The following STXBP5L variants were observed in gnomAD, a reference collection of about 807,000 sequenced individuals.
STXBP5L encodes the protein syntaxin-binding protein 5-like.
In STXBP5L, 65 loss-of-function variants were observed where a neutral mutation model predicts 144.5. The observed-to-expected ratio is 0.45, with a 90% CI of 0.37 to 0.55. The LOEUF (loss-of-function observed/expected upper bound fraction) is 0.55. STXBP5L is among the 20% of genes least tolerant of loss of function. STXBP5L has a pLI of 0.00. For synonymous variants in STXBP5L, 505 were observed against 469.6 expected, an observed-to-expected ratio of 1.08 and a Z score of -0.97; for missense variants, 1,298 against 1,405.5, an observed-to-expected ratio of 0.92 and a Z score of 1.22.
chr3:121,084,694 A>G (rs2042406305), intron 5 of STXBP5L, among the ~76,000 whole-genome samples: 1 of 152,184 alleles, frequency 6.6e-6, no homozygotes, highest in Non-Finnish European at 1.5e-5. Context: ...TTATAATAAA[A>G]TGATTTACAT....
intron 3 of STXBP5L, among the ~76,000 whole-genome samples, chr3:121,016,769 A>G (rs2108177934): frequency 6.6e-6 from 1 of 152,346 alleles, no homozygotes; most frequent in Non-Finnish European, 1.5e-5. Context: ...GCCTGTATCT[A>G]TTGAAGAAAT....
At chr3:121,052,471 A>G (rs1373112147) in intron 5 of STXBP5L, among the ~76,000 whole-genome samples, 1 of 152,232 alleles carries the variant, frequency 6.6e-6, no homozygotes. Flanking sequence ...AATCCAGCAT[A>G]TAAACAGAAC....
chr3:121,147,626 A>G (rs927662888), intron 7 of STXBP5L, among the ~76,000 whole-genome samples: 4 of 152,196 alleles, frequency 2.6e-5, no homozygotes, highest in Non-Finnish European at 5.9e-5. Flanking sequence ...GGTTAATTTT[A>G]TGTGTCAACT....
chr3:121,223,438 T>C (rs1259710432), intron 11 of STXBP5L, among the ~76,000 whole-genome samples: 1 of 152,056 alleles, frequency 6.6e-6, no homozygotes, highest in East Asian at 1.9e-4. Flanking sequence ...GGGTCCAGGG[T>C]GAAATCACTT....
At chr3:121,196,166 C>CT (rs1314610009) in intron 9 of STXBP5L, among the ~76,000 whole-genome samples, 157 of 140,260 alleles carry the variant, frequency 1.1e-3, no homozygotes, top group Middle Eastern at 7.6e-3. Flanking sequence ...AATATCAATT[C>CT]TTTTTTTTTT....
intron 22 of STXBP5L, among the ~76,000 whole-genome samples, chr3:121,399,297 G>T (rs1459145581): frequency 6.6e-6 from 1 of 152,164 alleles, no homozygotes; most frequent in East Asian, 1.9e-4. Flanking sequence ...CCTCCAGCTA[G>T]TTCCATGTTC....
intron 10 of STXBP5L, among the ~76,000 whole-genome samples, chr3:121,206,656 A>C (rs910911951): frequency 1.3e-5 from 2 of 152,066 alleles, no homozygotes; most frequent in Non-Finnish European, 2.9e-5. Flanking sequence ...CTAGAAATAC[A>C]CAAAAAAATT....
chr3:121,061,515 C>A (rs1228611736), intron 5 of STXBP5L, among the ~76,000 whole-genome samples: 2 of 152,240 alleles, frequency 1.3e-5, no homozygotes, highest in South Asian at 2.1e-4. Flanking sequence ...GATATCAAGT[C>A]CTGAACATCC....
intron 2 of STXBP5L, among the ~76,000 whole-genome samples, chr3:120,948,982 A>G (rs371556409): frequency 6.6e-6 from 1 of 151,830 alleles, no homozygotes; most frequent in Non-Finnish European, 1.5e-5. Flanking sequence ...AGGAATATCT[A>G]TACTGTTTTC....
intron 2 of STXBP5L, among the ~76,000 whole-genome samples, chr3:120,945,777 A>G (rs1474976815): frequency 6.6e-6 from 1 of 151,800 alleles, no homozygotes; most frequent in Non-Finnish European, 1.5e-5. Context: ...TGGAAACGCT[A>G]TTACTGGGCA....
At chr3:121,326,200 G>T (rs2108547679) in intron 20 of STXBP5L, among the ~76,000 whole-genome samples, 1 of 152,064 alleles carries the variant, frequency 6.6e-6, no homozygotes, top group Non-Finnish European at 1.5e-5. Flanking sequence ...ATTAAACATT[G>T]TCATGCTGGA....
chr3:120,947,698 T>A (rs150791960), intron 2 of STXBP5L, among the ~76,000 whole-genome samples: 3 of 151,876 alleles, frequency 2.0e-5, no homozygotes, highest in Non-Finnish European at 4.4e-5. Flanking sequence ...ATACACTTCA[T>A]GTAAATGGAA....
Position 121,059,869 on chromosome 3 carries a change from G to T in STXBP5L, c.470+14334G>T, listed in dbSNP as rs577060996. On this transcript the variant is annotated intron_variant, in intron 5 of 26. Coordinates refer to ENST00000471454, the MANE Select transcript of STXBP5L (RefSeq NM_001308330.2). ...TTGCTTATCAGCTTAAGGAGATTTG[G>T]GGCTGAGACTATGGGGTTTTCTAAA... is the stretch of plus-strand genomic sequence containing the variant. Among the ~76,000 whole-genome samples the T allele has an allele frequency of 7.9e-5, 12 of 152,192 alleles. No homozygotes were observed. In the South Asian group the frequency reaches 2.5e-3, roughly 32 times the overall value.
At chr3:121,299,484 T>G (rs964060472) in intron 19 of STXBP5L, among the ~76,000 whole-genome samples, 20 of 152,166 alleles carry the variant, frequency 1.3e-4, no homozygotes, top group African/African-American at 4.6e-4. Flanking sequence ...TTCACATGAT[T>G]GCTTTAACAA....
chr3:121,038,525 C>G (rs1051440724), intron 3 of STXBP5L, among the ~76,000 whole-genome samples: 1 of 151,786 alleles, frequency 6.6e-6, no homozygotes, highest in Non-Finnish European at 1.5e-5. Flanking sequence ...AATATTTTAT[C>G]TCTTAGTAAT....
intron 3 of STXBP5L, among the ~76,000 whole-genome samples, chr3:121,006,421 C>T (rs1011610446): frequency 6.6e-6 from 1 of 152,052 alleles, no homozygotes; most frequent in Non-Finnish European, 1.5e-5. Context: ...CTTCCTCCAT[C>T]CCTTTATTTT....
At chr3:121,029,129 T>A (rs766683558) in intron 3 of STXBP5L, among the ~76,000 whole-genome samples, 4 of 152,088 alleles carry the variant, frequency 2.6e-5, no homozygotes, top group Non-Finnish European at 5.9e-5. Flanking sequence ...GATTCAATGC[T>A]ATCCCCGTCA....
chr3:120,934,091 C>CTTTTTTTTTTTTTTTTTTTTTTT (rs200329422), intron 2 of STXBP5L, among the ~76,000 whole-genome samples: 1 of 138,078 alleles, frequency 7.2e-6, no homozygotes, highest in Non-Finnish European at 1.6e-5. Flanking sequence ...TTTTCTTTTT[C>CTTTTTTTTTTTTTTTTTTTTTTT]TTTTTTTTTT....
intron 9 of STXBP5L, among the ~76,000 whole-genome samples, chr3:121,169,196 A>C (rs986253157): frequency 6.6e-6 from 1 of 152,224 alleles, no homozygotes; most frequent in African/African-American, 2.4e-5. Flanking sequence ...GAAGCACTAA[A>C]CATGGAAAGG....
Sources: allele counts gnomAD v4.1 joint callset (sites outside exome capture counted in the v4.1 genomes callset), GRCh38; gene constraint gnomAD v4.1.1; transcripts MANE v1.5; gene names NCBI Gene and HGNC (gene_info 2026-07-23, HGNC 2026-07-21).